AFF2: variants seen among roughly 807,000 people sequenced by gnomAD.
AFF2 encodes AF4/FMR2 family member 2.
AFF2 carries 14 observed loss-of-function variants against 76.9 expected under a neutral mutation model. That is an observed-to-expected ratio of 0.18 (90% confidence interval 0.12 to 0.28). The LOEUF is 0.28. AFF2 is among the 10% of genes least tolerant of loss of function. The pLI, the probability that AFF2 is intolerant of heterozygous loss-of-function variation, is 1.00. For missense variants in AFF2, 868 were observed against 1,001.1 expected (o/e 0.87, Z 1.79); for synonymous variants, 398 against 366.7 (o/e 1.09, Z -0.98).
chrX:148,619,957 A>G (rs2053849687), intron 1 of AFF2, among the ~76,000 whole-genome samples: 1 of 112,253 alleles, frequency 8.9e-6, no homozygotes, highest in Non-Finnish European at 1.9e-5. Flanking sequence ...CAGTGTGATT[A>G]GAAATACATA....
intron 3 of AFF2, among the ~76,000 whole-genome samples, chrX:148,713,556 C>T (rs1488149884): frequency 9.0e-6 from 1 of 111,593 alleles, no homozygotes; most frequent in Non-Finnish European, 1.9e-5. Context: ...ATAGGATTTC[C>T]AGTACTTCCT....
At chrX:148,710,952 C>A (rs2054960040) in intron 3 of AFF2, among the ~76,000 whole-genome samples, 2 of 111,393 alleles carry the variant, frequency 1.8e-5, no homozygotes, top group Non-Finnish European at 3.8e-5. Flanking sequence ...TTACTGATCA[C>A]CATTTTCATA....
Position 148,953,587 on chromosome X carries a change from T to C in AFF2, c.1405T>C (p.Leu469=), listed in dbSNP as rs781844437. Residue 469 remains leucine, a synonymous_variant, in exon 10 of 21, where the codon TTG becomes CTG. Transcript: ENST00000370460. ...KPRNNPVNPP[L]ATPQPPPAVQ... ...ATGTTGTTTTTCTTTCAGCCCACCC[T>C]TGGCCACTCCCCAGCCCCCACCTGC... is the stretch of plus-strand genomic sequence containing the variant. The C allele has an allele frequency of 1.3e-5, 16 of 1,205,871 alleles. No individual in the cohort carries two copies. The highest frequency in any genetic ancestry group is 2.3e-4 in the Middle Eastern group (1 of 4,332).
At chrX:148,971,877 C>T (rs1306742290) in intron 15 of AFF2, among the ~76,000 whole-genome samples, 1 of 36,989 alleles carries the variant, frequency 2.7e-5, no homozygotes, top group Non-Finnish European at 4.6e-5. Flanking sequence ...CACCCACTAA[C>T]GTGTCATCTA....
At chrX:148,928,367 TA>T (rs1353846445) in intron 9 of AFF2, among the ~76,000 whole-genome samples, 1 of 112,580 alleles carries the variant, frequency 8.9e-6, no homozygotes, top group Non-Finnish European at 1.9e-5. Flanking sequence ...TCTGCCAGCT[TA>T]CATTATGTAG....
chrX:148,664,133 C>T (rs1314856617), intron 3 of AFF2, among the ~76,000 whole-genome samples: 3 of 111,221 alleles, frequency 2.7e-5, no homozygotes, highest in Admixed American at 9.6e-5. Flanking sequence ...CTCTTCCATA[C>T]CATCCATGCA....
intron 16 of AFF2, among the ~76,000 whole-genome samples, chrX:148,976,060 GA>G (rs1263085187): frequency 1.4e-4 from 15 of 109,052 alleles, no homozygotes; most frequent in African/African-American, 4.9e-4. Flanking sequence ...GTTATTTAGG[GA>G]AAAAAACATG....
chrX:148,501,266 G>T (rs1022187516), intron 1 of AFF2, 122 bp downstream of exon 1: 2 of 915,277 alleles, frequency 2.2e-6, no homozygotes, highest in Non-Finnish European at 3.1e-6. Context: ...CCTCCCACTT[G>T]CTCTCAGCCA....
intron 3 of AFF2, among the ~76,000 whole-genome samples, chrX:148,723,848 T>A (rs988023516): frequency 6.3e-5 from 7 of 111,428 alleles, no homozygotes; most frequent in Non-Finnish European, 3.8e-5. Flanking sequence ...CCTGTCCTTC[T>A]GTCCTTTATT....
intron 3 of AFF2, among the ~76,000 whole-genome samples, chrX:148,689,917 A>C (rs1288293396): frequency 8.9e-6 from 1 of 112,359 alleles, no homozygotes; most frequent in East Asian, 2.8e-4. Context: ...TGAATCATCT[A>C]TAGCCGATTC....
At chrX:148,535,680 A>T (rs2052776511) in intron 1 of AFF2, among the ~76,000 whole-genome samples, 1 of 111,836 alleles carries the variant, frequency 8.9e-6, no homozygotes. Context: ...TGTATAGAAG[A>T]TTGGTGGGCC....
intron 1 of AFF2, among the ~76,000 whole-genome samples, chrX:148,628,043 G>A (rs1421297472): frequency 9.0e-6 from 1 of 111,537 alleles, no homozygotes; most frequent in Admixed American, 9.6e-5. Context: ...TCAATGGAAG[G>A]AGGAGAAGCC....
chrX:148,967,794 C>T (rs966286794), intron 15 of AFF2, 102 bp downstream of exon 15: 1 of 679,160 alleles, frequency 1.5e-6, no homozygotes, highest in African/African-American at 2.2e-5. Context: ...TATCACAGCC[C>T]ACACCTGCCT....
At chrX:148,845,220 TA>T (rs1352720114) in intron 7 of AFF2, among the ~76,000 whole-genome samples, 6 of 111,437 alleles carry the variant, frequency 5.4e-5, no homozygotes, top group Non-Finnish European at 9.4e-5. Context: ...TTTTCCTATG[TA>T]AAATTATCTT....
intron 3 of AFF2, among the ~76,000 whole-genome samples, chrX:148,745,161 A>G (rs1432232567): frequency 8.9e-6 from 1 of 111,885 alleles, no homozygotes; most frequent in Non-Finnish European, 1.9e-5. Flanking sequence ...CTAGGTTTCC[A>G]TGTTCCTTTA....
chrX:148,583,694 A>G (rs188179180), intron 1 of AFF2, among the ~76,000 whole-genome samples: 59 of 112,065 alleles, frequency 5.3e-4, no homozygotes, highest in African/African-American at 1.8e-3. Context: ...GTTTGTACTC[A>G]TACTCTAATT....
Position 148,820,759 on chromosome X carries a change from T to C in AFF2, c.1086+10839T>C, listed in dbSNP as rs144531266. 8.0e-3 allele frequency among the ~76,000 whole-genome samples: 894 copies of C among 111,712 alleles called. 26 individuals are homozygous for C. The highest frequency in any genetic ancestry group is 0.077 in the Admixed American group (807 of 10,474). ...TTCATAAAAATATTTAAGAGGCAAT[T>C]TACTCATGTAACAAACATGCATGTT... is the stretch of plus-strand genomic sequence containing the variant. On this transcript the variant is annotated intron_variant, in intron 4 of 20. Coordinates refer to ENST00000370460, the MANE Select transcript of AFF2 (RefSeq NM_002025.4).
chrX:148,580,538 C>T (rs1210215714), intron 1 of AFF2, among the ~76,000 whole-genome samples: 1 of 110,970 alleles, frequency 9.0e-6, no homozygotes, highest in African/African-American at 3.3e-5. Flanking sequence ...TGCAAGCACC[C>T]TTAGAGTGAT....
intron 19 of AFF2, among the ~76,000 whole-genome samples, chrX:148,983,891 A>G (rs1416627987): frequency 1.0e-5 from 1 of 97,759 alleles, no homozygotes. Context: ...GCTGGTGTTC[A>G]TTGAGAACAT....
Sources: gnomAD v4.1 joint callset for allele counts (sites outside exome capture counted in the v4.1 genomes callset) on GRCh38, gnomAD v4.1.1 for gene constraint, MANE v1.5 for transcripts, NCBI Gene and HGNC (gene_info 2026-07-23, HGNC 2026-07-21) for gene names.